The following ZDHHC2 variants were observed in gnomAD, a reference collection of about 807,000 sequenced individuals.
ZDHHC2 encodes the protein zDHHC palmitoyltransferase 2.
In ZDHHC2, 51 loss-of-function variants were observed where a neutral mutation model predicts 55.6. The ratio of observed to expected loss-of-function variants is 0.92; its 90% CI spans 0.73 to 1.16. The LOEUF is 1.16. Ranked by LOEUF, ZDHHC2 falls within the 50% of genes most tolerant of loss-of-function variation. The pLI, the probability that ZDHHC2 is intolerant of heterozygous loss-of-function variation, is 0.00. For synonymous variants in ZDHHC2, 199 were observed against 152.9 expected (o/e 1.30, Z -2.22); for missense variants, 491 against 442.4 (o/e 1.11, Z -0.99).
chr8:17,159,046 G>A (rs1254842586), intron 1 of ZDHHC2, among the ~76,000 whole-genome samples: 2 of 152,200 alleles, frequency 1.3e-5, no homozygotes, highest in Non-Finnish European at 2.9e-5. Flanking sequence ...AGAGACCATG[G>A]CAGTTTATGA....
intron 3 of ZDHHC2, among the ~76,000 whole-genome samples, chr8:17,187,922 A>T (rs568630019): frequency 6.6e-6 from 1 of 152,272 alleles, no homozygotes; most frequent in East Asian, 1.9e-4. Flanking sequence ...CCTTCCCCAG[A>T]CTGTGAGTCA....
At position 17,211,134 on chromosome 8, in the gene ZDHHC2, C is replaced by T. The variant is rs141882046; in HGVS notation, c.950+654C>T. Among the ~76,000 whole-genome samples, 9 of 152,322 alleles carry T rather than the reference C, an allele frequency of 5.9e-5. No homozygotes were observed. The East Asian group carries it at 1.3e-3, about 23-fold the overall frequency. ...CATTTCATTCTGAACGTGCTACCAA[C>T]TGGCAAAAGGAAAAGTTACTTAAAC... On this transcript the variant is annotated intron_variant, in intron 10 of 12. Coordinates refer to ENST00000262096, the MANE Select transcript of ZDHHC2 (RefSeq NM_016353.5).
chr8:17,162,236 A>G lies in ZDHHC2; in HGVS notation c.130+5383A>G, dbSNP rs371478352. On this transcript the variant is annotated intron_variant, in intron 1 of 12. Transcript: ENST00000262096. ...CTATTAGAGAAAAACATTTAAGGCA[A>G]TTAGCACAGTCTTAGCATGTACAAA... Among the ~76,000 whole-genome samples, 295 of 152,356 alleles carry G rather than the reference A, an allele frequency of 1.9e-3. 1 individual carries two copies. Among genetic ancestry groups the G allele is most frequent in the African/African-American group, 6.7e-3 (279 of 41,576 alleles).
At chr8:17,179,247 C>T (rs569235146) in intron 1 of ZDHHC2, among the ~76,000 whole-genome samples, 1 of 152,294 alleles carries the variant, frequency 6.6e-6, no homozygotes, top group East Asian at 1.9e-4. Flanking sequence ...GCCACTGTGC[C>T]TGGTTGTCCT....
At chr8:17,166,245 G>A (rs1804593793) in intron 1 of ZDHHC2, among the ~76,000 whole-genome samples, 1 of 152,184 alleles carries the variant, frequency 6.6e-6, no homozygotes, top group Non-Finnish European at 1.5e-5. Context: ...CACTGGAAAT[G>A]GTGAGAGGTG....
Position 17,223,184 on chromosome 8 carries a change from A to G in ZDHHC2, c.*2963A>G, listed in dbSNP as rs981598382. The G allele has an allele frequency of 1.3e-5, 2 of 151,838 alleles. No individual in the cohort carries two copies. The highest frequency in any genetic ancestry group is 3.0e-5 in the Non-Finnish European group (2 of 67,780). The allele number at this position is 151,838 out of a possible 1,614,324, so 9.4% of individuals were successfully genotyped here. A position where few individuals can be genotyped will look rare whatever the true frequency, so the allele number is the denominator to read the frequency against. On this transcript the variant is annotated 3_prime_UTR_variant, in exon 13 of 13. Transcript: ENST00000262096. ...CGGGCTCGGCTGATTCTGAAATTGT[A>G]CTGTATCATTTGGTATTTACTTATA...
intron 3 of ZDHHC2, 36 bp from the exon 4 acceptor site, chr8:17,195,468 T>C (rs1472318515): frequency 6.3e-7 from 1 of 1,582,878 alleles, no homozygotes; most frequent in Admixed American, 1.8e-5. Flanking sequence ...ATAATTTCTT[T>C]GAAAATACTG....
intron 1 of ZDHHC2, among the ~76,000 whole-genome samples, chr8:17,171,920 G>C (rs1804874260): frequency 1.3e-5 from 2 of 151,794 alleles, no homozygotes; most frequent in South Asian, 4.2e-4. Flanking sequence ...GAGCCAGACA[G>C]ACTCCATCTT....
intron 1 of ZDHHC2, among the ~76,000 whole-genome samples, chr8:17,180,756 C>T (rs937392821): frequency 3.9e-5 from 6 of 152,120 alleles, no homozygotes; most frequent in African/African-American, 1.4e-4. Context: ...CAGGATTGGA[C>T]CTTGCCTTCT....
At chr8:17,157,598 A>T (rs994875336) in intron 1 of ZDHHC2, 2 of 152,200 alleles carry the variant, frequency 1.3e-5, no homozygotes, top group African/African-American at 4.8e-5. Flanking sequence ...TTTAATGCTG[A>T]AGATTAAAAT....
In ZDHHC2 at chr8:17,199,637, T is replaced by C. The variant is rs372866442; in HGVS notation, c.476+1224T>C. ...CTTCTTCTTCTTCCTTTCTTCTTCT[T>C]CTCCTCCTCCTCCTCCCTCCTCCCT... is the stretch of plus-strand genomic sequence containing the variant. On this transcript the variant is annotated intron_variant, in intron 6 of 12. Transcript: ENST00000262096. Among the ~76,000 whole-genome samples, 209 of 98,498 alleles carry C rather than the reference T, an allele frequency of 2.1e-3. 7 individuals carry two copies. Among genetic ancestry groups the C allele is most frequent in the African/African-American group, 5.1e-3 (166 of 32,534 alleles). 64.6% of individuals were successfully genotyped at this position (98,498 alleles called of 152,430 possible).
intron 1 of ZDHHC2, among the ~76,000 whole-genome samples, chr8:17,161,729 C>T (rs889465285): frequency 2.6e-5 from 4 of 151,964 alleles, no homozygotes; most frequent in East Asian, 1.9e-4. Flanking sequence ...TGTGGTGGTG[C>T]GTGCCTGTAG....
chr8:17,223,059 C>A lies in ZDHHC2; in HGVS notation c.*2838C>A, dbSNP rs949812096. On this transcript the variant is annotated 3_prime_UTR_variant, in exon 13 of 13. Transcript: ENST00000262096. ...AATCATGTTTATAAAAAATTAGGCACGCAATCATGTGATTCATGCTTCAAG... is the reference window on the plus strand; with the variant it reads ...AATCATGTTTATAAAAAATTAGGCAAGCAATCATGTGATTCATGCTTCAAG... 1 of 151,784 alleles carries A rather than the reference C, an allele frequency of 6.6e-6. No individual in the cohort carries two copies. The highest frequency in any genetic ancestry group is 1.9e-4 in the East Asian group (1 of 5,202). The allele number at this position is 151,784 out of a possible 1,614,324, so 9.4% of individuals were successfully genotyped here. A position where few individuals can be genotyped will look rare whatever the true frequency, so the allele number is the denominator to read the frequency against.
chr8:17,188,342 C>G (rs2150911058), intron 3 of ZDHHC2, among the ~76,000 whole-genome samples: 1 of 149,218 alleles, frequency 6.7e-6, no homozygotes, highest in Non-Finnish European at 1.5e-5. Context: ...ATATATCCCA[C>G]AGGGGAAAGC....
In ZDHHC2 at chr8:17,199,612, C is replaced by CTTCCT. The variant is rs1554466230; in HGVS notation, c.476+1202_476+1203insCTTTC. Among the ~76,000 whole-genome samples, 227 of 68,898 alleles carry CTTCCT rather than the reference C, an allele frequency of 3.3e-3. 13 individuals carry two copies. The highest frequency in any genetic ancestry group is 0.021 in the East Asian group (72 of 3,358). 45.2% of individuals were successfully genotyped at this position (68,898 alleles called of 152,430 possible). A position where few individuals can be genotyped will look rare whatever the true frequency, so the allele number is the denominator to read the frequency against. ...TCTTTCTTCTTCTTTATTCTTTCTTCTTCTTCTTCTTCCTTTCTTCTTCTT... is the reference window on the plus strand; with the variant it reads ...TCTTTCTTCTTCTTTATTCTTTCTTCTTCCTTTCTTCTTCTTCCTTTCTTCTTCTT... On this transcript the variant is annotated intron_variant, in intron 6 of 12. Transcript: ENST00000262096.
At chr8:17,187,316 C>G (rs1805763418) in intron 3 of ZDHHC2, among the ~76,000 whole-genome samples, 1 of 152,046 alleles carries the variant, frequency 6.6e-6, no homozygotes, top group Non-Finnish European at 1.5e-5. Flanking sequence ...TTGTGTCTCA[C>G]TCATTTTTGT....
rs149783510 is a variant in ZDHHC2, at chr8:17,162,133, G to C, written c.130+5280G>C. On this transcript the variant is annotated intron_variant, in intron 1 of 12. Coordinates refer to ENST00000262096, the MANE Select transcript of ZDHHC2 (RefSeq NM_016353.5). ...AAAGGACTCTGCTTAATGCTTTTTTGGTTCCATTTAGTGTGTCAGAGACTT... is the reference window on the plus strand; with the variant it reads ...AAAGGACTCTGCTTAATGCTTTTTTCGTTCCATTTAGTGTGTCAGAGACTT... Among the ~76,000 whole-genome samples, 491 of 152,200 alleles carry C rather than the reference G, an allele frequency of 3.2e-3. 2 individuals carry two copies. The highest frequency in any genetic ancestry group is 0.011 in the African/African-American group (462 of 41,536).
In ZDHHC2 at chr8:17,156,740, C is replaced by T. The variant is rs750158072; in HGVS notation, c.17C>T (p.Pro6Leu). 13 of 1,489,856 alleles carry T rather than the reference C, an allele frequency of 8.7e-6. No individual in the cohort carries two copies. In the South Asian group the frequency reaches 8.8e-5, roughly 10 times the overall value. The allele number at this position is 1,489,856 out of a possible 1,614,324, so 92.3% of individuals were successfully genotyped here. MAPSG[P>L]GSSARRRCRR... The stretch of plus-strand genomic sequence containing the variant: ...GGCTGGAAGATGGCGCCCTCGGGCC[C>T]GGGCAGCAGCGCCAGGCGGCGGTGC... The change falls in exon 1 of 13, where the codon CCG (proline) becomes CTG (leucine). Residue 6 changes from proline (P) to leucine (L), a missense_variant. Pro to Leu is a moderately conservative substitution (Grantham distance 98). Transcript: ENST00000262096.
At chr8:17,215,879 T>A (rs1287746576) in intron 11 of ZDHHC2, among the ~76,000 whole-genome samples, 1 of 152,206 alleles carries the variant, frequency 6.6e-6, no homozygotes, top group African/African-American at 2.4e-5. Context: ...CAGTGTAGTT[T>A]GTTAGCAAGG....
Sources: allele counts gnomAD v4.1 joint callset (sites outside exome capture counted in the v4.1 genomes callset), GRCh38; gene constraint gnomAD v4.1.1; transcripts MANE v1.5; gene names NCBI Gene and HGNC (gene_info 2026-07-23, HGNC 2026-07-21).